HDAC5: variants seen among roughly 807,000 people sequenced by gnomAD.
HDAC5 encodes the protein antigen NY-CO-9.
HDAC5 carries 25 observed loss-of-function variants against 133.3 expected under a neutral mutation model. The ratio of observed to expected loss-of-function variants is 0.19; its 90% CI spans 0.14 to 0.26. HDAC5 has a LOEUF of 0.26. HDAC5 is among the 10% of genes least tolerant of loss of function. HDAC5 has a pLI of 1.00. For missense variants in HDAC5, 1,041 were observed against 1,460.5 expected (o/e 0.71, Z 4.68); for synonymous variants, 589 against 610.8 (o/e 0.96, Z 0.53).
At chr17:44,111,324 C>A (rs1007963641) in intron 2 of HDAC5, 5 of 325,052 alleles carry the variant, frequency 1.5e-5, no homozygotes, top group Non-Finnish European at 3.1e-5. Flanking sequence ...GAGCTGCGGG[C>A]GGGCTGCCAG....
rs146390293 is a variant in HDAC5 at position 44,088,560 on chromosome 17, G to A, written c.1426C>T (p.Arg476Cys). The A allele has an allele frequency of 7.7e-5, 125 of 1,613,396 alleles. No individual in the cohort carries two copies. The highest frequency in any genetic ancestry group is 2.2e-5 in the South Asian group (2 of 91,070). Residue 476 changes from arginine (R) to cysteine (C), a missense_variant, in exon 12 of 27, where the codon CGT becomes TGT. Transcript: ENST00000682912. The stretch of plus-strand genomic sequence containing the variant: ...ACCGTCCGCATGCTGGTGGCCACAC[G>A]TTCACCCGTCACTAGTGGGGACTGC... ...HGQSPLVTGE[R>C]VATSMRTVGK...
At chr17:44,086,899 TCTC>T (rs759420928) in intron 13 of HDAC5, 162 bp from the exon 14 acceptor site, 63 of 366,372 alleles carry the variant, frequency 1.7e-4, no homozygotes, top group Non-Finnish European at 2.7e-4. Flanking sequence ...AGGAGACACA[TCTC>T]CTCTGAGATG....
intron 2 of HDAC5, chr17:44,111,707 C>A: frequency 1.9e-6 from 1 of 514,024 alleles, no homozygotes; most frequent in South Asian, 1.4e-5. Flanking sequence ...AGAGGTGCCT[C>A]CCCACCCCTT....
At chr17:44,080,978 A>G in intron 20 of HDAC5, 96 bp from the exon 21 acceptor site, 1 of 1,538,668 alleles carries the variant, frequency 6.5e-7, no homozygotes, top group Non-Finnish European at 8.9e-7. Context: ...TCATGCCTGT[A>G]ATCCTAGCAT....
Position 44,078,370 on chromosome 17 carries a change from G to A in HDAC5, c.*6C>T, listed in dbSNP as rs750462188. On this transcript the variant is annotated 3_prime_UTR_variant, in exon 27 of 27. Transcript: ENST00000682912. ...GGTGAAGCCCAGAGGGATGGGGGCC[G>A]GGGCGTCACAGGGCAGGCTCCTGCT... 84 of 1,522,452 alleles carry A rather than the reference G, an allele frequency of 5.5e-5. No individual in the cohort carries two copies. The highest frequency in any genetic ancestry group is 4.1e-4 in the East Asian group (18 of 43,762). 94.3% of individuals were successfully genotyped at this position (1,522,452 alleles called of 1,614,324 possible).
Position 44,092,455 on chromosome 17 carries a change from AGGAGGGG to A in HDAC5, c.838_844del (p.Pro280CysfsTer93). 6.2e-7 allele frequency: 1 copy of A among 1,614,016 alleles called. No individual in the cohort carries two copies. Among genetic ancestry groups the A allele is most frequent in the Non-Finnish European group, 8.5e-7 (1 of 1,179,952 alleles). The stretch of plus-strand genomic sequence containing the variant: ...AATAACAGTCCCATCCTTGCGACGC[AGGAGGGG>A]ACTGCTTCTCCGCTCAGCCACCTTC... On this transcript the variant is annotated frameshift_variant, in exon 8 of 27. Transcript: ENST00000682912. LOFTEE classifies it high-confidence loss of function.
chr17:44,080,410 G>C lies in HDAC5; in HGVS notation c.2816C>G (p.Thr939Arg). 1 of 1,613,902 alleles carries C rather than the reference G, an allele frequency of 6.2e-7. No individual in the cohort carries two copies. The highest frequency in any genetic ancestry group is 8.5e-7 in the Non-Finnish European group (1 of 1,179,802). ...DPPIGDVEYL[T>R]AFRTVVMPIA... ...CCTTTTCAGTCCCTACCTGAAGGCT[G>C]TAAGGTACTCCACGTCTCCAATGGG... The change falls in exon 22 of 27, where the codon ACA becomes AGA. Residue 939 changes from threonine to arginine, a missense_variant. Around this residue, in one of 9 missense-constraint regions of HDAC5, gnomAD observed 174 missense variants for 352.7 expected, o/e 0.49. Coordinates refer to ENST00000682912, the MANE Select transcript of HDAC5 (RefSeq NM_005474.5).
intron 3 of HDAC5, among the ~76,000 whole-genome samples, chr17:44,096,465 GT>G (rs1246136598): frequency 1.2e-4 from 18 of 148,184 alleles, no homozygotes; most frequent in Admixed American, 1.1e-3. Context: ...ACAAGTTTTG[GT>G]TTTTTTTTGT....
Position 44,078,418 on chromosome 17 carries a change from G to T in HDAC5, c.3330-3C>A. On this transcript the variant is annotated splice_polypyrimidine_tract_variant and splice_region_variant and intron_variant, in intron 26 of 26. Coordinates refer to ENST00000682912, the MANE Select transcript of HDAC5 (RefSeq NM_005474.5). ...GCTCCATGGGCTCCTCTGCCGGCCT[G>T]TGGGGCAAGCACAGGGGAGGGTATT... is the stretch of plus-strand genomic sequence containing the variant. 3 of 1,535,884 alleles carry T rather than the reference G, an allele frequency of 2.0e-6. No homozygotes were observed.
chr17:44,082,468 C>G, intron 20 of HDAC5, 117 bp downstream of exon 20: 1 of 782,710 alleles, frequency 1.3e-6, no homozygotes, highest in Non-Finnish European at 2.2e-6. Flanking sequence ...ACCCAGCACC[C>G]GAGGATGAGG....
chr17:44,107,020 T>C (rs893956516), intron 3 of HDAC5, among the ~76,000 whole-genome samples: 6 of 151,268 alleles, frequency 4.0e-5, no homozygotes, highest in Admixed American at 3.9e-4. Context: ...TCATGGCTCA[T>C]TGCAGCCTCA....
chr17:44,094,233 G>C (rs1046130521), intron 3 of HDAC5, among the ~76,000 whole-genome samples: 6 of 151,826 alleles, frequency 4.0e-5, no homozygotes, highest in Admixed American at 3.3e-4. Flanking sequence ...TGAGGCATGG[G>C]AATCTCTTGA....
Position 44,092,754 on chromosome 17 carries a change from G to C in HDAC5, c.694C>G (p.Pro232Ala). ...AGTTTGTAGGAGGGAGGCGTCCCAG[G>C]GGGGCCGCTCTGGGGAGGGGAACTC... ...DQSSPPQSGP[P>A]GTPPSYKLPL... Residue 232 changes from proline (P) to alanine (A), a missense_variant, in exon 7 of 27, where the codon CCT (proline) becomes GCT (alanine). Around this residue, in one of 9 missense-constraint regions of HDAC5, gnomAD observed 56 missense variants for 41.3 expected, o/e 1.36. Coordinates refer to ENST00000682912, the MANE Select transcript of HDAC5 (RefSeq NM_005474.5). 7.0e-7 allele frequency: 1 copy of C among 1,430,970 alleles called. No homozygotes were observed. Among genetic ancestry groups the C allele is most frequent in the Non-Finnish European group, 9.4e-7 (1 of 1,064,766 alleles). 88.6% of individuals were successfully genotyped at this position (1,430,970 alleles called of 1,614,324 possible).
At chr17:44,092,030 C>A in intron 9 of HDAC5, 142 bp downstream of exon 9, 1 of 937,244 alleles carries the variant, frequency 1.1e-6, no homozygotes, top group Non-Finnish European at 1.6e-6. Flanking sequence ...TAAGTCCAAG[C>A]AAGGATCCTC....
At chr17:44,100,453 G>C (rs1332926128) in intron 3 of HDAC5, among the ~76,000 whole-genome samples, 1 of 151,868 alleles carries the variant, frequency 6.6e-6, no homozygotes, top group Non-Finnish European at 1.5e-5. Context: ...ATAAAAATAA[G>C]GCCAGGCACA....
intron 13 of HDAC5, among the ~76,000 whole-genome samples, chr17:44,086,944 T>A (rs529657123): frequency 8.7e-6 from 1 of 115,156 alleles, no homozygotes; most frequent in East Asian, 3.1e-4. Flanking sequence ...ATGAGTCACA[T>A]CAAAGAGTAG....
At chr17:44,087,065 C>T (rs1375994529) in intron 13 of HDAC5, among the ~76,000 whole-genome samples, 1 of 151,612 alleles carries the variant, frequency 6.6e-6, no homozygotes, top group African/African-American at 2.4e-5. Flanking sequence ...CAGCTAGGCG[C>T]GAGGCAGACA....
intron 11 of HDAC5, 67 bp downstream of exon 11, chr17:44,091,203 G>A (rs1336363108): frequency 5.9e-6 from 7 of 1,179,830 alleles, no homozygotes; most frequent in Non-Finnish European, 8.6e-6. Context: ...TGACAGGGTT[G>A]GAGAGTATCC....
chr17:44,078,512 T>TC lies in HDAC5; in HGVS notation c.3316dup (p.Glu1106GlyfsTer31), dbSNP rs754852603. The TC allele has an allele frequency of 1.2e-6, 2 of 1,609,242 alleles. No individual in the cohort carries two copies. The highest frequency in any genetic ancestry group is 1.3e-5 in the African/African-American group (1 of 74,846). On this transcript the variant is annotated frameshift_variant, in exon 26 of 27. Transcript: ENST00000682912. LOFTEE classifies it high-confidence loss of function. ...GGTTGCTGCTTACCTGGGGCTGTGT[T>TC]CCCGGGCTGCCGCAGCCTGGGCCTG...
Sources: allele counts gnomAD v4.1 joint callset (sites outside exome capture counted in the v4.1 genomes callset), GRCh38; gene constraint gnomAD v4.1.1; regional missense constraint gnomAD v4.1.1; transcripts MANE v1.5; gene names NCBI Gene and HGNC (gene_info 2026-07-23, HGNC 2026-07-21).